LINGO2: variants seen among roughly 807,000 people sequenced by gnomAD.
The protein encoded by LINGO2 is leucine rich repeat and Ig domain containing 2.
LINGO2 carries 14 observed loss-of-function variants against 30.6 expected under a neutral mutation model. The ratio of observed to expected loss-of-function variants is 0.46; its 90% CI spans 0.30 to 0.72. LINGO2 has a LOEUF of 0.72. Ranked by LOEUF, LINGO2 falls within the 30% of genes least tolerant of loss-of-function variation. The probability of loss-of-function intolerance (pLI) is 0.07; values close to 1 mark genes in which losing one functional copy is unlikely to be tolerated. For missense variants in LINGO2, 729 were observed against 751.7 expected (o/e 0.97, Z 0.35); for synonymous variants, 317 against 288.5 (o/e 1.10, Z -1.00).
the LINGO2 span, among the ~76,000 whole-genome samples, chr9:28,831,120 TA>T: frequency 6.6e-6 from 1 of 152,162 alleles, no homozygotes; most frequent in African/African-American, 2.4e-5. Context: ...TGTCACCTCA[TA>T]AAAAAGAAAA....
At chr9:29,030,220 G>A in the LINGO2 span, among the ~76,000 whole-genome samples, 3 of 151,998 alleles carry the variant, frequency 2.0e-5, no homozygotes, top group Non-Finnish European at 2.9e-5. Flanking sequence ...CCTAAGAAAA[G>A]TATTATTTTA....
intron 4 of LINGO2, among the ~76,000 whole-genome samples, chr9:28,119,998 T>C (rs1827047537): frequency 6.6e-6 from 1 of 152,194 alleles, no homozygotes; most frequent in Non-Finnish European, 1.5e-5. Context: ...AGAGAAAAGA[T>C]AGAATAAAAA....
chr9:28,317,360 G>T (rs1824881789), intron 3 of LINGO2, among the ~76,000 whole-genome samples: 1 of 152,106 alleles, frequency 6.6e-6, no homozygotes, highest in Non-Finnish European at 1.5e-5. Flanking sequence ...TCCCTAATTT[G>T]TGTCAAACAA....
At chr9:28,404,926 G>GTGTGTGTGTGTT (rs1554717019) in intron 2 of LINGO2, among the ~76,000 whole-genome samples, 3,351 of 150,900 alleles carry the variant, frequency 0.022, 54 homozygotes, top group African/African-American at 0.025. Flanking sequence ...GTGTGTGTGT[G>GTGTGTGTGTGTT]TAAAATTCCA....
chr9:28,001,937 A>G (rs1563899942), intron 5 of LINGO2, among the ~76,000 whole-genome samples: 7 of 152,242 alleles, frequency 4.6e-5, no homozygotes. Flanking sequence ...GATATGAGAA[A>G]AACTTGCCAC....
chr9:29,029,571 T>C, the LINGO2 span, among the ~76,000 whole-genome samples: 1 of 152,110 alleles, frequency 6.6e-6, no homozygotes, highest in Non-Finnish European at 1.5e-5. Context: ...ACTTCTTGTT[T>C]GATAGAGGAT....
intron 4 of LINGO2, among the ~76,000 whole-genome samples, chr9:28,048,882 CAT>C (rs745954709): frequency 6.0e-5 from 9 of 150,774 alleles, no homozygotes; most frequent in South Asian, 2.1e-4. Flanking sequence ...TTTATGCCAA[CAT>C]ATATAGTTAT....
intron 2 of LINGO2, among the ~76,000 whole-genome samples, chr9:28,383,572 T>G (rs1029667495): frequency 9.9e-5 from 15 of 152,028 alleles, no homozygotes; most frequent in Admixed American, 3.9e-4. Flanking sequence ...AAACTCACAG[T>G]GCACGAAGCC....
chr9:28,636,723 G>C lies in LINGO2; in HGVS notation c.-365+33477C>G, dbSNP rs199931679. Among the ~76,000 whole-genome samples the C allele has an allele frequency of 9.2e-3, 1,403 of 152,076 alleles. 25 individuals are homozygous for C. The highest frequency in any genetic ancestry group is 0.079 in the East Asian group (409 of 5,166). The stretch of plus-strand genomic sequence containing the variant: ...TTCTTTGTAGATTCTGGATATTAGT[G>C]CTTTGTCAGATGAGTAGATTGCGAA... On this transcript the variant is annotated intron_variant, in intron 1 of 5. Transcript: ENST00000379992.
At chr9:28,166,192 CAACA>C (rs762712488) in intron 4 of LINGO2, among the ~76,000 whole-genome samples, 3 of 152,130 alleles carry the variant, frequency 2.0e-5, no homozygotes, top group South Asian at 2.1e-4. Context: ...ACAAACTAAC[CAACA>C]AACAAACAAA....
At chr9:28,289,148 A>G (rs1587396788) in intron 4 of LINGO2, among the ~76,000 whole-genome samples, 2 of 152,306 alleles carry the variant, frequency 1.3e-5, no homozygotes, top group Middle Eastern at 3.4e-3. Context: ...TTTCTACCTT[A>G]TGGACAAGCT....
chr9:29,171,195 T>C, the LINGO2 span, among the ~76,000 whole-genome samples: 1 of 152,086 alleles, frequency 6.6e-6, no homozygotes, highest in Non-Finnish European at 1.5e-5. Flanking sequence ...AATTTGCATA[T>C]GGTTCCTGAA....
chr9:27,941,944 G>T, the LINGO2 span: 1 of 152,124 alleles, frequency 6.6e-6, no homozygotes, highest in African/African-American at 2.4e-5. Context: ...GGGTGGTGTT[G>T]TATGTATGGC....
chr9:28,075,912 AT>A (rs1300824420), intron 4 of LINGO2, among the ~76,000 whole-genome samples: 2 of 151,686 alleles, frequency 1.3e-5, no homozygotes, highest in Non-Finnish European at 2.9e-5. Context: ...AAATTTGTCC[AT>A]TTTTTCCTTT....
At chr9:28,095,345 G>C (rs1826213568) in intron 4 of LINGO2, among the ~76,000 whole-genome samples, 1 of 152,050 alleles carries the variant, frequency 6.6e-6, no homozygotes, top group Admixed American at 6.6e-5. Flanking sequence ...AGGAAAGCAG[G>C]TGGTGAATGT....
chr9:28,496,031 G>A (rs1171457838), intron 1 of LINGO2, among the ~76,000 whole-genome samples: 1 of 151,852 alleles, frequency 6.6e-6, no homozygotes, highest in East Asian at 1.9e-4. Flanking sequence ...GAGACAGTTT[G>A]TTATAATTTC....
chr9:28,995,066 A>C, the LINGO2 span, among the ~76,000 whole-genome samples: 1 of 151,968 alleles, frequency 6.6e-6, no homozygotes, highest in Non-Finnish European at 1.5e-5. Context: ...AGAAACTACC[A>C]TCAGAGTGAA....
chr9:28,571,228 T>C (rs2135593243), intron 1 of LINGO2, among the ~76,000 whole-genome samples: 1 of 152,148 alleles, frequency 6.6e-6, no homozygotes, highest in African/African-American at 2.4e-5. Context: ...TTTTAAAGCC[T>C]TATATGTAAA....
chr9:28,746,892 G>GA, the LINGO2 span, among the ~76,000 whole-genome samples: 4 of 151,872 alleles, frequency 2.6e-5, no homozygotes, highest in African/African-American at 7.3e-5. Flanking sequence ...TTTGTGAAAT[G>GA]AAAAAAATAA....
Sources: allele counts gnomAD v4.1 joint callset (sites outside exome capture counted in the v4.1 genomes callset), GRCh38; gene constraint gnomAD v4.1.1; transcripts MANE v1.5; gene names NCBI Gene and HGNC (gene_info 2026-07-23, HGNC 2026-07-21).